DAP: variants seen among roughly 807,000 people sequenced by gnomAD.
DAP encodes the protein death associated protein.
DAP carries 8 observed loss-of-function variants against 13.8 expected under a neutral mutation model. The ratio of observed to expected loss-of-function variants is 0.58; its 90% CI spans 0.34 to 1.05. DAP has a LOEUF of 1.05. Ranked by LOEUF, DAP falls within the 50% of genes least tolerant of loss-of-function variation. The pLI, the probability that DAP is intolerant of heterozygous loss-of-function variation, is 0.03. For synonymous variants in DAP, 47 were observed against 47.5 expected (o/e 0.99, Z 0.04); for missense variants, 106 against 133.2 (o/e 0.80, Z 1.01).
intron 3 of DAP, among the ~76,000 whole-genome samples, chr5:10,682,502 G>A (rs1343392070): frequency 6.6e-6 from 1 of 151,650 alleles, no homozygotes; most frequent in South Asian, 2.1e-4. Flanking sequence ...AGGAAGCATG[G>A]GGTTTGTGGG....
At chr5:10,717,443 G>A (rs1033482634) in intron 2 of DAP, among the ~76,000 whole-genome samples, 5 of 152,216 alleles carry the variant, frequency 3.3e-5, no homozygotes, top group Non-Finnish European at 5.9e-5. Context: ...GGACCCTGAT[G>A]AAGCTGGGCA....
intron 2 of DAP, among the ~76,000 whole-genome samples, chr5:10,745,331 T>G (rs1739873049): frequency 6.6e-6 from 1 of 152,156 alleles, no homozygotes; most frequent in Non-Finnish European, 1.5e-5. Flanking sequence ...CAAGCCAAAG[T>G]CAAGAGGACA....
intron 1 of DAP, among the ~76,000 whole-genome samples, chr5:10,750,062 C>T (rs1052531180): frequency 1.3e-5 from 2 of 152,092 alleles, no homozygotes; most frequent in Admixed American, 1.3e-4. Flanking sequence ...TCCTTGTAGT[C>T]ATTGGCCCCC....
intron 2 of DAP, among the ~76,000 whole-genome samples, chr5:10,730,602 A>C (rs1204772398): frequency 1.7e-5 from 2 of 117,512 alleles, no homozygotes; most frequent in Non-Finnish European, 3.3e-5. Flanking sequence ...CTGTACTGAG[A>C]GCCCGGGTCG....
Position 10,714,015 on chromosome 5 carries a change from C to T in DAP, c.153-30444G>A, listed in dbSNP as rs5745229. 5.3e-5 allele frequency among the ~76,000 whole-genome samples: 8 copies of T among 152,166 alleles called. No individual in the cohort carries two copies. In the East Asian group the frequency reaches 1.2e-3, roughly 22 times the overall value. Reference sequence around the variant, plus strand: ...GTGGGTTCTTTCCACATGGAAAGGGCATATGGGGTGTAGAACCGTGAGAGT... The same window carrying T: ...GTGGGTTCTTTCCACATGGAAAGGGTATATGGGGTGTAGAACCGTGAGAGT... On this transcript the variant is annotated intron_variant, in intron 2 of 3. Coordinates refer to ENST00000230895, the MANE Select transcript of DAP (RefSeq NM_004394.3).
chr5:10,742,924 A>ACCAT (rs369437281), intron 2 of DAP, among the ~76,000 whole-genome samples: 2,217 of 134,288 alleles, frequency 0.017, 50 homozygotes, highest in African/African-American at 0.057. Flanking sequence ...GTTTGTATCT[A>ACCAT]CCATCCATCC....
intron 1 of DAP, among the ~76,000 whole-genome samples, chr5:10,748,475 A>C (rs1739967483): frequency 6.6e-6 from 1 of 152,216 alleles, no homozygotes; most frequent in South Asian, 2.1e-4. Flanking sequence ...CTTACTACAG[A>C]TCCACTCAGA....
At position 10,703,027 on chromosome 5, in the gene DAP, G is replaced by A. The variant is rs138749590; in HGVS notation, c.153-19456C>T. On this transcript the variant is annotated intron_variant, in intron 2 of 3. Transcript: ENST00000230895. ...TCTGGGTCTTAAGTTTTCAACTTTC[G>A]TCTCCTTACCTAAGGCTACTCCACA... 8.5e-5 allele frequency among the ~76,000 whole-genome samples: 13 copies of A among 152,188 alleles called. No homozygotes were observed. In the East Asian group the frequency reaches 1.2e-3, roughly 14 times the overall value.
chr5:10,748,202 T>C lies in DAP; in HGVS notation c.125A>G (p.Lys42Arg), dbSNP rs771437354. ...HTGDTKEEKDKDDQEWESPSP... is the reference protein window; with the variant it reads ...HTGDTKEEKDRDDQEWESPSP... ...GGGGCTTTCCCATTCCTGGTCATCC[T>C]TGTCTTTCTCTTCTTTGGTGTCTCC... Residue 42 changes from lysine to arginine, a missense_variant, in exon 2 of 4, where the codon AAG becomes AGG. Coordinates refer to ENST00000230895, the MANE Select transcript of DAP (RefSeq NM_004394.3). 8.7e-6 allele frequency: 14 copies of C among 1,613,890 alleles called. No homozygotes were observed. In the East Asian group the frequency reaches 2.2e-4, roughly 26 times the overall value.
At chr5:10,722,904 G>A (rs555419078) in intron 2 of DAP, among the ~76,000 whole-genome samples, 210 of 152,172 alleles carry the variant, frequency 1.4e-3, no homozygotes, top group African/African-American at 4.9e-3. Context: ...CCACAGAACC[G>A]AATATCAATC....
At chr5:10,739,119 G>A (rs267955) in intron 2 of DAP, among the ~76,000 whole-genome samples, 90,990 of 150,086 alleles carry the variant, frequency 0.61, 29,051 homozygotes, top group Non-Finnish European at 0.71. Flanking sequence ...GGAGAATGGC[G>A]TGAACCTGGG....
At chr5:10,710,388 C>T (rs1738817110) in intron 2 of DAP, among the ~76,000 whole-genome samples, 1 of 152,220 alleles carries the variant, frequency 6.6e-6, no homozygotes, top group African/African-American at 2.4e-5. Flanking sequence ...GCAGGTTTAG[C>T]TCCTGTTCTC....
intron 2 of DAP, among the ~76,000 whole-genome samples, chr5:10,700,054 A>G (rs1166719695): frequency 2.6e-5 from 4 of 152,240 alleles, no homozygotes; most frequent in Non-Finnish European, 4.4e-5. Flanking sequence ...TCGAGCATGA[A>G]GAGGGTAACC....
intron 2 of DAP, among the ~76,000 whole-genome samples, chr5:10,688,192 A>G (rs1738204638): frequency 6.6e-6 from 1 of 152,080 alleles, no homozygotes; most frequent in Non-Finnish European, 1.5e-5. Context: ...CTAGGATTGC[A>G]GGCATGAGCC....
At chr5:10,748,777 C>CT (rs1316377336) in intron 1 of DAP, among the ~76,000 whole-genome samples, 24 of 152,226 alleles carry the variant, frequency 1.6e-4, no homozygotes, top group Non-Finnish European at 3.2e-4. Flanking sequence ...CCAAACTGTG[C>CT]TGTGAAACCC....
At chr5:10,691,531 T>C (rs1370659596) in intron 2 of DAP, among the ~76,000 whole-genome samples, 1 of 152,230 alleles carries the variant, frequency 6.6e-6, no homozygotes, top group Non-Finnish European at 1.5e-5. Context: ...TAGGCTTCCA[T>C]GCAAAGTATA....
At chr5:10,690,593 ATAT>A (rs1298134405) in intron 2 of DAP, among the ~76,000 whole-genome samples, 3 of 152,166 alleles carry the variant, frequency 2.0e-5, no homozygotes, top group African/African-American at 7.2e-5. Context: ...ATCTAGCATA[ATAT>A]TGTCAAGGTT....
At chr5:10,752,027 G>A (rs77155899) in intron 1 of DAP, among the ~76,000 whole-genome samples, 3,295 of 152,302 alleles carry the variant, frequency 0.022, 51 homozygotes, top group Non-Finnish European at 0.031. Flanking sequence ...ACTCACAGAT[G>A]TGTTCATAAA....
chr5:10,688,999 G>T (rs1004004575), intron 2 of DAP, among the ~76,000 whole-genome samples: 6 of 152,136 alleles, frequency 3.9e-5, no homozygotes, highest in Non-Finnish European at 7.4e-5. Context: ...TGGAGCCCAG[G>T]GGCCTGCCAC....
Sources: allele counts gnomAD v4.1 joint callset (sites outside exome capture counted in the v4.1 genomes callset), GRCh38; gene constraint gnomAD v4.1.1; transcripts MANE v1.5; gene names NCBI Gene and HGNC (gene_info 2026-07-23, HGNC 2026-07-21).